Variants in PCLO observed in about 807,000 individuals in gnomAD.
PCLO encodes piccolo presynaptic cytomatrix protein, also known as protein piccolo.
PCLO carries 82 observed loss-of-function variants against 427.5 expected under a neutral mutation model. That is an observed-to-expected ratio of 0.19 (90% confidence interval 0.16 to 0.23). The LOEUF (loss-of-function observed/expected upper bound fraction) is 0.23, where lower values mean the gene tolerates loss of function less well. Ranked by LOEUF, PCLO falls within the 10% of genes least tolerant of loss-of-function variation. The pLI, the probability that PCLO is intolerant of heterozygous loss-of-function variation, is 1.00. For missense variants in PCLO, 6,239 were observed against 6,115.9 expected, an observed-to-expected ratio of 1.02 and a Z score of -0.67; for synonymous variants, 2,357 against 2,155.4, an observed-to-expected ratio of 1.09 and a Z score of -2.59.
At chr7:83,010,982 G>A (rs1250771330) in intron 3 of PCLO, among the ~76,000 whole-genome samples, 8 of 151,756 alleles carry the variant, frequency 5.3e-5, no homozygotes, top group Non-Finnish European at 1.2e-4. Context: ...CTTACCTCTG[G>A]CATAATTTCC....
chr7:83,002,306 A>C (rs1787843336), intron 3 of PCLO, among the ~76,000 whole-genome samples: 1 of 151,914 alleles, frequency 6.6e-6, no homozygotes, highest in Non-Finnish European at 1.5e-5. Flanking sequence ...TTAGGCTATA[A>C]CTATTTATGT....
intron 10 of PCLO, chr7:82,868,248 G>C: frequency 2.2e-6 from 1 of 456,352 alleles, no homozygotes. Flanking sequence ...TCTTGCCTAG[G>C]AGCATTCTTC....
At chr7:82,905,030 TGA>T (rs768008019) in intron 8 of PCLO, among the ~76,000 whole-genome samples, 2 of 152,072 alleles carry the variant, frequency 1.3e-5, no homozygotes, top group African/African-American at 2.4e-5. Flanking sequence ...GGGTGAATGT[TGA>T]GAGAGTCCTG....
chr7:83,065,717 C>A (rs865840243), intron 3 of PCLO, among the ~76,000 whole-genome samples: 6 of 152,016 alleles, frequency 3.9e-5, no homozygotes, highest in African/African-American at 1.4e-4. Context: ...TTCCATTATA[C>A]AAAAGAAGAA....
intron 22 of PCLO, among the ~76,000 whole-genome samples, chr7:82,774,206 T>TG (rs1790702334): frequency 6.6e-6 from 1 of 152,220 alleles, no homozygotes. Flanking sequence ...AGCTGATTCT[T>TG]GCTAGGACCT....
chr7:82,991,010 G>A (rs968136725), intron 3 of PCLO, among the ~76,000 whole-genome samples: 2 of 152,082 alleles, frequency 1.3e-5, no homozygotes, highest in African/African-American at 4.8e-5. Context: ...CTCAAGTTCA[G>A]TAAAAAGTAG....
Position 82,824,236 on chromosome 7 carries a change from C to T in PCLO, c.14596G>A (p.Asp4866Asn), listed in dbSNP as rs745608185. ...SHGIFPDPSK[D>N]MQVPTIEKSH... ...TTCTACTTAAAAAAATATTTCCTAC[C>T]CTTTGATGGGTCAGGGAAGATACCA... Residue 4866 changes from aspartate to asparagine, a missense_variant and splice_region_variant, in exon 19 of 25, where the codon GAC becomes AAC. Physicochemically the swap from Asp to Asn is conservative, Grantham distance 23. Transcript: ENST00000333891. The T allele has an allele frequency of 6.3e-7, 1 of 1,597,612 alleles. No individual in the cohort carries two copies.
Position 82,954,150 on chromosome 7 carries a change from T to C in PCLO, c.6803A>G (p.Asp2268Gly). ...AGATTCTATGATAGAAGATGCCATA[T>C]CAGATAAGGAAATAACAATATGATC... ...SADHIVISLS[D>G]MASSIIESVV... The change falls in exon 5 of 25, where the codon GAT becomes GGT. Residue 2268 changes from aspartate (D) to glycine (G), a missense_variant. Physicochemically the swap from Asp to Gly is moderately conservative, Grantham distance 94. Around this residue, in one of 5 missense-constraint regions of PCLO, gnomAD observed 4,677 missense variants for 4,468.4 expected, o/e 1.05. Transcript: ENST00000333891. 3 of 1,613,908 alleles carry C rather than the reference T, an allele frequency of 1.9e-6. No homozygotes were observed. The highest frequency in any genetic ancestry group is 4.5e-5 in the East Asian group (2 of 44,878).
intron 10 of PCLO, among the ~76,000 whole-genome samples, chr7:82,857,376 A>G (rs1026021611): frequency 6.6e-6 from 1 of 152,126 alleles, no homozygotes; most frequent in African/African-American, 2.4e-5. Flanking sequence ...TAATAATTTA[A>G]CTTCAGTTAT....
At chr7:82,868,745 C>A (rs569402020) in intron 10 of PCLO, among the ~76,000 whole-genome samples, 70 of 152,192 alleles carry the variant, frequency 4.6e-4, no homozygotes, top group African/African-American at 1.7e-3. Flanking sequence ...TGCTGTGTTA[C>A]CACTGATTCA....
chr7:82,876,455 TACACACACAC>T (rs35270740), intron 10 of PCLO, among the ~76,000 whole-genome samples: 6 of 143,100 alleles, frequency 4.2e-5, no homozygotes, highest in Admixed American at 2.1e-4. Flanking sequence ...AAAACAAGTA[TACACACACAC>T]ACACACACAC....
At chr7:83,022,564 G>A (rs984229511) in intron 3 of PCLO, among the ~76,000 whole-genome samples, 4 of 152,124 alleles carry the variant, frequency 2.6e-5, no homozygotes, top group Non-Finnish European at 5.9e-5. Flanking sequence ...AATCCTAGCC[G>A]AGATAAATAT....
At chr7:83,079,886 C>T (rs540296197) in intron 3 of PCLO, among the ~76,000 whole-genome samples, 1 of 151,692 alleles carries the variant, frequency 6.6e-6, no homozygotes, top group Non-Finnish European at 1.5e-5. Flanking sequence ...AACTCACCCC[C>T]CCACAGACCC....
chr7:83,006,635 T>C (rs2115959635), intron 3 of PCLO, among the ~76,000 whole-genome samples: 1 of 151,660 alleles, frequency 6.6e-6, no homozygotes, highest in African/African-American at 2.4e-5. Context: ...ATACTCCTTC[T>C]TTTCATTTCA....
At chr7:82,805,568 G>T in intron 21 of PCLO, 120 bp downstream of exon 21, 1 of 857,082 alleles carries the variant, frequency 1.2e-6, no homozygotes, top group Non-Finnish European at 1.8e-6. Context: ...AACAGTTCAA[G>T]TGTCTCAGGG....
intron 3 of PCLO, among the ~76,000 whole-genome samples, chr7:82,982,475 T>C (rs1340835365): frequency 5.3e-5 from 8 of 152,200 alleles, no homozygotes; most frequent in East Asian, 1.9e-4. Context: ...AGCGGGGTCA[T>C]GACTGAAACA....
At chr7:82,859,147 A>G (rs1792887451) in intron 10 of PCLO, among the ~76,000 whole-genome samples, 1 of 151,732 alleles carries the variant, frequency 6.6e-6, no homozygotes, top group South Asian at 2.1e-4. Flanking sequence ...CCTGGATGGC[A>G]CTTCTGGACC....
At chr7:83,154,630 A>T in intron 2 of PCLO, 118 bp downstream of exon 2, 1 of 777,442 alleles carries the variant, frequency 1.3e-6, no homozygotes. Context: ...CGAACGAAGG[A>T]GGGGAGAATC....
At chr7:82,879,862 A>G in intron 9 of PCLO, 1 of 452,684 alleles carries the variant, frequency 2.2e-6, no homozygotes. Flanking sequence ...AATTGAGAAG[A>G]CACAATCCAA....
Sources: gnomAD v4.1 joint callset for allele counts (sites outside exome capture counted in the v4.1 genomes callset) on GRCh38, gnomAD v4.1.1 for gene constraint, gnomAD v4.1.1 regional missense constraint, MANE v1.5 for transcripts, NCBI Gene and HGNC (gene_info 2026-07-23, HGNC 2026-07-21) for gene names.